The following LCOR variants were observed in gnomAD, a reference collection of about 807,000 sequenced individuals.
The protein encoded by LCOR is ligand dependent nuclear receptor corepressor.
A neutral mutation model predicts 64.4 loss-of-function variants in LCOR; 14 were observed. That is an observed-to-expected ratio of 0.22 (90% confidence interval 0.14 to 0.34). The LOEUF (loss-of-function observed/expected upper bound fraction) is 0.34. LCOR is among the 10% of genes least tolerant of loss of function. The pLI is 1.00. For synonymous variants in LCOR, 643 were observed against 642.5 expected, an observed-to-expected ratio of 1.00 and a Z score of -0.01; for missense variants, 1,686 against 1,765.3, an observed-to-expected ratio of 0.96 and a Z score of 0.80.
At chr10:96,900,901 T>G (rs1846623632) in intron 2 of LCOR, among the ~76,000 whole-genome samples, 1 of 150,290 alleles carries the variant, frequency 6.7e-6, no homozygotes. Flanking sequence ...TTTTAAGAGA[T>G]GGGGTCGGCC....
At chr10:96,953,120 C>A (rs1016814666) in intron 7 of LCOR, among the ~76,000 whole-genome samples, 30 of 152,024 alleles carry the variant, frequency 2.0e-4, no homozygotes, top group African/African-American at 6.5e-4. Context: ...TCTAAAATTC[C>A]AAAACTTTTC....
chr10:96,971,889 C>T (rs532513329), intron 7 of LCOR, among the ~76,000 whole-genome samples: 3 of 152,234 alleles, frequency 2.0e-5, no homozygotes, highest in South Asian at 2.1e-4. Flanking sequence ...ATAACTCTTA[C>T]GTCTGCATGT....
At chr10:96,956,162 T>C in intron 7 of LCOR, 1 of 1,302,954 alleles carries the variant, frequency 7.7e-7, no homozygotes, top group South Asian at 2.0e-5. Flanking sequence ...CAAAAGAGAA[T>C]TGAGTTACCT....
intron 2 of LCOR, among the ~76,000 whole-genome samples, chr10:96,839,681 A>G (rs1845505849): frequency 6.6e-6 from 1 of 150,708 alleles, no homozygotes; most frequent in East Asian, 2.0e-4. Flanking sequence ...TATACAATAT[A>G]TTTTTTCTTG....
rs765160987 is a variant in LCOR at position 96,952,178 on chromosome 10, C to G, written c.314C>G (p.Ser105Cys). The change falls in exon 7 of 8, where the codon TCC becomes TGC. Residue 105 changes from serine (S) to cysteine (C), a missense_variant. Transcript: ENST00000421806. ...STSLSHSPGC[S>C]STQGNGENST... ...TCCCTGAGCCACTCTCCAGGCTGCT[C>G]CAGTACTCAAGGGAACGGGTAAGGG... is the stretch of plus-strand genomic sequence containing the variant. 3.1e-6 allele frequency: 5 copies of G among 1,613,274 alleles called. No homozygotes were observed. Among genetic ancestry groups the G allele is most frequent in the Non-Finnish European group, 4.2e-6 (5 of 1,179,356 alleles).
intron 6 of LCOR, among the ~76,000 whole-genome samples, chr10:96,949,895 G>A (rs10219031): frequency 0.062 from 9,362 of 152,202 alleles, 625 homozygotes; most frequent in East Asian, 0.29. Context: ...TTCCAAAAGG[G>A]AATTTGTTGA....
intron 2 of LCOR, among the ~76,000 whole-genome samples, chr10:96,869,133 G>A (rs569973515): frequency 4.6e-5 from 7 of 151,930 alleles, no homozygotes; most frequent in Admixed American, 2.6e-4. Flanking sequence ...CTCAAAGCTC[G>A]CAACCTCAAG....
At chr10:96,915,878 T>C (rs546186314) in intron 4 of LCOR, 15 of 466,942 alleles carry the variant, frequency 3.2e-5, no homozygotes, top group African/African-American at 2.4e-4. Context: ...TCCTTTAGCA[T>C]CCCCTTCAGC....
intron 4 of LCOR, among the ~76,000 whole-genome samples, chr10:96,922,093 T>C (rs1433348280): frequency 6.6e-6 from 1 of 152,210 alleles, no homozygotes; most frequent in African/African-American, 2.4e-5. Context: ...CTGCCAGAAA[T>C]GCCATTGGGA....
chr10:96,919,277 T>C (rs958689650), intron 4 of LCOR, among the ~76,000 whole-genome samples: 1 of 152,192 alleles, frequency 6.6e-6, no homozygotes, highest in African/African-American at 2.4e-5. Flanking sequence ...AATGTCTTAA[T>C]AGAGTCAGTA....
chr10:96,974,566 T>C (rs1418156608), intron 7 of LCOR, among the ~76,000 whole-genome samples: 2 of 152,194 alleles, frequency 1.3e-5, no homozygotes, highest in Admixed American at 1.3e-4. Context: ...ACTAAAACAG[T>C]GCTTCCTGGA....
intron 2 of LCOR, among the ~76,000 whole-genome samples, chr10:96,900,265 G>GAT (rs1005500303): frequency 1.4e-4 from 21 of 151,826 alleles, no homozygotes; most frequent in Non-Finnish European, 2.4e-4. Flanking sequence ...CCATTGTATG[G>GAT]ATATACCACA....
rs140370069 is a variant in LCOR, at chr10:96,931,334, A to G, written c.-183-12779A>G. ...CTGCAACTTCCGCCTCCCAGGTTCAAGTGATTCTTCTGCATCAGCTTCCTG... is the reference window on the plus strand; with the variant it reads ...CTGCAACTTCCGCCTCCCAGGTTCAGGTGATTCTTCTGCATCAGCTTCCTG... On this transcript the variant is annotated intron_variant, in intron 4 of 7. Coordinates refer to ENST00000421806, the MANE Select transcript of LCOR (RefSeq NM_001346516.2). Among the ~76,000 whole-genome samples the G allele has an allele frequency of 2.2e-3, 335 of 151,816 alleles. 2 individuals carry two copies. Among genetic ancestry groups the G allele is most frequent in the African/African-American group, 7.7e-3 (320 of 41,346 alleles).
intron 7 of LCOR, among the ~76,000 whole-genome samples, chr10:96,952,845 AT>A (rs1313704704): frequency 6.6e-6 from 1 of 152,232 alleles, no homozygotes; most frequent in Admixed American, 6.5e-5. Context: ...AGGTATTAAT[AT>A]TAAGACATTT....
At position 96,981,110 on chromosome 10, in the gene LCOR, A is replaced by G. The variant is rs1034197782; in HGVS notation, c.650A>G (p.His217Arg). Residue 217 changes from histidine (H) to arginine (R), a missense_variant, in exon 8 of 8, where the codon CAC becomes CGC. His to Arg is a conservative substitution (Grantham distance 29, BLOSUM62 0). Transcript: ENST00000421806. ...TCGTCAGACTCTCACAGCCCTCTAC[A>G]CTTGACGGAACAGACCCCGAAGAAG... ...VDSSDSHSPLHLTEQTPKKPP... is the reference protein window; with the variant it reads ...VDSSDSHSPLRLTEQTPKKPP... 2 of 703,352 alleles carry G rather than the reference A, an allele frequency of 2.8e-6. No homozygotes were observed. Among genetic ancestry groups the G allele is most frequent in the East Asian group, 2.7e-5 (1 of 37,296 alleles). 43.6% of individuals were successfully genotyped at this position (703,352 alleles called of 1,614,324 possible).
Position 96,981,861 on chromosome 10 carries a change from T to C in LCOR, c.1401T>C (p.Asp467=). ...CAGGGCTGAGGATAAATGATTATGA[T>C]AACCAGTGTGATGTTGTTTATATCA... ...RASGLRINDY[D]NQCDVVYISQ... Residue 467 remains aspartate (D), a synonymous_variant, in exon 8 of 8, where the codon GAT becomes GAC. Coordinates refer to ENST00000421806, the MANE Select transcript of LCOR (RefSeq NM_001346516.2). The C allele has an allele frequency of 1.9e-6, 3 of 1,614,208 alleles. No homozygotes were observed. The highest frequency in any genetic ancestry group is 2.5e-6 in the Non-Finnish European group (3 of 1,180,036).
At chr10:96,850,706 C>A (rs1845709282) in intron 2 of LCOR, among the ~76,000 whole-genome samples, 1 of 152,156 alleles carries the variant, frequency 6.6e-6, no homozygotes, top group East Asian at 1.9e-4. Context: ...CACCTGTCTC[C>A]CAAAGTGCTG....
chr10:96,891,346 A>G (rs1273694875), intron 2 of LCOR, among the ~76,000 whole-genome samples: 2 of 151,726 alleles, frequency 1.3e-5, no homozygotes, highest in African/African-American at 4.8e-5. Context: ...GATTGTAAAG[A>G]TGTCCCCAGT....
At chr10:96,952,602 T>C (rs1847700533) in intron 7 of LCOR, among the ~76,000 whole-genome samples, 1 of 152,256 alleles carries the variant, frequency 6.6e-6, no homozygotes, top group African/African-American at 2.4e-5. Context: ...TGTTTGTTTC[T>C]TTTGGGTTTG....
Sources: gnomAD v4.1 joint callset for allele counts (sites outside exome capture counted in the v4.1 genomes callset) on GRCh38, gnomAD v4.1.1 for gene constraint, MANE v1.5 for transcripts, NCBI Gene and HGNC (gene_info 2026-07-23, HGNC 2026-07-21) for gene names.